The following PTAR1 variants were observed in gnomAD, a reference collection of about 807,000 sequenced individuals.
PTAR1 encodes protein prenyltransferase alpha subunit repeat-containing protein 1.
In PTAR1, 17 loss-of-function variants were observed where a neutral mutation model predicts 45.5. The observed-to-expected ratio is 0.37, with a 90% CI of 0.26 to 0.56. The LOEUF is 0.56. Ranked by LOEUF, PTAR1 falls within the 20% of genes least tolerant of loss-of-function variation. The pLI is 0.77. For missense variants in PTAR1, 391 were observed against 476.3 expected (o/e 0.82, Z 1.67); for synonymous variants, 169 against 171.3 (o/e 0.99, Z 0.11).
In PTAR1 at chr9:69,715,053, T is replaced by C. The variant is rs1824674897; in HGVS notation, c.*3289A>G. On this transcript the variant is annotated 3_prime_UTR_variant, in exon 8 of 8. Coordinates refer to ENST00000340434, the MANE Select transcript of PTAR1 (RefSeq NM_001099666.2). ...TGTATGCAGGATCTGTCCTCTAGTA[T>C]CACAAATGAACAGAAAGTGGTGTTC... 1 of 152,042 alleles carries C rather than the reference T, an allele frequency of 6.6e-6. No homozygotes were observed. The highest frequency in any genetic ancestry group is 1.5e-5 in the Non-Finnish European group (1 of 67,970). 9.4% of individuals were successfully genotyped at this position (152,042 alleles called of 1,614,324 possible).
intron 2 of PTAR1, 65 bp from the exon 3 acceptor site, chr9:69,741,923 C>A (rs2134138666): frequency 3.1e-6 from 3 of 976,842 alleles, no homozygotes; most frequent in Non-Finnish European, 4.8e-6. Context: ...GCTTCTCATT[C>A]TTTTAAGGTT....
intron 1 of PTAR1, among the ~76,000 whole-genome samples, chr9:69,753,312 A>C (rs1187926222): frequency 6.6e-6 from 1 of 152,176 alleles, no homozygotes; most frequent in East Asian, 1.9e-4. Context: ...TACTTTATAA[A>C]ATAAGAATGG....
In PTAR1 at chr9:69,718,021, G is replaced by T. The variant is rs112575324; in HGVS notation, c.*321C>A. ...TGCCTATGCAGCAATTGGACTGAGG[G>T]GGGTAGAGGTGTGTGTGTGTGAACC... On this transcript the variant is annotated 3_prime_UTR_variant, in exon 8 of 8. Coordinates refer to ENST00000340434, the MANE Select transcript of PTAR1 (RefSeq NM_001099666.2). 4 of 211,698 alleles carry T rather than the reference G, an allele frequency of 1.9e-5. No homozygotes were observed. The highest frequency in any genetic ancestry group is 4.6e-5 in the African/African-American group (2 of 43,732). 13.1% of individuals were successfully genotyped at this position (211,698 alleles called of 1,614,324 possible).
At position 69,717,003 on chromosome 9, in the gene PTAR1, C is replaced by T. The variant is rs1038297151; in HGVS notation, c.*1339G>A. 1 of 152,126 alleles carries T rather than the reference C, an allele frequency of 6.6e-6. No individual in the cohort carries two copies. The highest frequency in any genetic ancestry group is 2.4e-5 in the African/African-American group (1 of 41,438). 9.4% of individuals were successfully genotyped at this position (152,126 alleles called of 1,614,324 possible). On this transcript the variant is annotated 3_prime_UTR_variant, in exon 8 of 8. Transcript: ENST00000340434. ...AAAAGGGCAAATATAAGAAAGCAGACATTACATGGCCCATTCCCCACCCTC... is the reference window on the plus strand; with the variant it reads ...AAAAGGGCAAATATAAGAAAGCAGATATTACATGGCCCATTCCCCACCCTC...
Position 69,759,801 on chromosome 9 carries a change from G to A in PTAR1, c.86+52C>T. The A allele has an allele frequency of 1.0e-5, 13 of 1,294,592 alleles. No individual in the cohort carries two copies. In the South Asian group the frequency reaches 1.4e-4, roughly 14 times the overall value. 80.2% of individuals were successfully genotyped at this position (1,294,592 alleles called of 1,614,324 possible). A position where few individuals can be genotyped will look rare whatever the true frequency, so the allele number is the denominator to read the frequency against. The stretch of plus-strand genomic sequence containing the variant: ...CGAGGTCGGGTGGACGCTTGGCCCC[G>A]CCCCCGCCCGCTCCCGACGACCCTC... On this transcript the variant is annotated intron_variant, in intron 1 of 7. Transcript: ENST00000340434.
At chr9:69,740,544 TC>T (rs1260474369) in intron 3 of PTAR1, among the ~76,000 whole-genome samples, 1 of 152,002 alleles carries the variant, frequency 6.6e-6, no homozygotes, top group Non-Finnish European at 1.5e-5. Flanking sequence ...CATTCCTACT[TC>T]CCTATTACTC....
Position 69,734,133 on chromosome 9 carries a change from T to C in PTAR1, c.428+17A>G, listed in dbSNP as rs780913930. The C allele has an allele frequency of 6.7e-5, 91 of 1,359,272 alleles. No homozygotes were observed. The highest frequency in any genetic ancestry group is 2.3e-5 in the East Asian group (1 of 43,692). The allele number at this position is 1,359,272 out of a possible 1,614,324, so 84.2% of individuals were successfully genotyped here. A position where few individuals can be genotyped will look rare whatever the true frequency, so the allele number is the denominator to read the frequency against. On this transcript the variant is annotated intron_variant, in intron 4 of 7. Coordinates refer to ENST00000340434, the MANE Select transcript of PTAR1 (RefSeq NM_001099666.2). ...CTGAATCCTAAGTAAGAGTACTATG[T>C]TGTAAATTAACCACACCTGTGAATC...
intron 5 of PTAR1, among the ~76,000 whole-genome samples, chr9:69,729,253 G>T (rs1402070053): frequency 2.6e-5 from 4 of 152,164 alleles, no homozygotes; most frequent in Non-Finnish European, 4.4e-5. Flanking sequence ...CTGGGAAGCG[G>T]AGGTTGCAGT....
chr9:69,742,742 A>C (rs944285983), intron 2 of PTAR1, among the ~76,000 whole-genome samples: 5 of 152,228 alleles, frequency 3.3e-5, no homozygotes, highest in African/African-American at 1.2e-4. Flanking sequence ...ATATATTTTT[A>C]AAAATGAATG....
chr9:69,738,666 C>T (rs1016621280), intron 3 of PTAR1, among the ~76,000 whole-genome samples: 1 of 152,088 alleles, frequency 6.6e-6, no homozygotes, highest in Non-Finnish European at 1.5e-5. Context: ...TAAGATGCTC[C>T]AAGCTCATCT....
chr9:69,720,320 A>G (rs1440386623), intron 6 of PTAR1, among the ~76,000 whole-genome samples: 1 of 152,228 alleles, frequency 6.6e-6, no homozygotes, highest in Non-Finnish European at 1.5e-5. Context: ...ATAGAAAAGC[A>G]GATCAGCCAC....
intron 1 of PTAR1, among the ~76,000 whole-genome samples, chr9:69,751,890 G>T (rs1224247542): frequency 6.6e-6 from 1 of 151,966 alleles, no homozygotes; most frequent in African/African-American, 2.4e-5. Flanking sequence ...TAAAGGCAGA[G>T]ATTTAATAAA....
rs1564153832 is a variant in PTAR1, at chr9:69,759,951, C to A, written c.-13G>T. The A allele has an allele frequency of 6.7e-7, 1 of 1,487,672 alleles. No homozygotes were observed. The highest frequency in any genetic ancestry group is 2.4e-5 in the Admixed American group (1 of 42,344). 92.2% of individuals were successfully genotyped at this position (1,487,672 alleles called of 1,614,324 possible). On this transcript the variant is annotated 5_prime_UTR_variant, in exon 1 of 8. Transcript: ENST00000340434. ...TGGTCTCGGCCATGTTGGCGGCGGC[C>A]GCGACAGTTCGGGCGCGCCTCCGCG...
At chr9:69,727,536 C>G (rs1280247220) in intron 5 of PTAR1, among the ~76,000 whole-genome samples, 1 of 150,576 alleles carries the variant, frequency 6.6e-6, no homozygotes, top group East Asian at 1.9e-4. Flanking sequence ...ACCTAACTTT[C>G]TATTTTCTAA....
Position 69,714,316 on chromosome 9 carries a change from C to T in PTAR1, c.*4026G>A, listed in dbSNP as rs1241901140. 1 of 98,392 alleles carries T rather than the reference C, an allele frequency of 1.0e-5. No homozygotes were observed. The highest frequency in any genetic ancestry group is 2.1e-5 in the Non-Finnish European group (1 of 47,736). The allele number at this position is 98,392 out of a possible 1,614,324, so 6.1% of individuals were successfully genotyped here. On this transcript the variant is annotated 3_prime_UTR_variant, in exon 8 of 8. Transcript: ENST00000340434. Reference sequence around the variant, plus strand: ...TTTCCAGTAGCAAAATAATAGTTAGCTTAAAACAGCTTTTTAGAAAAAAAA... The same window carrying T: ...TTTCCAGTAGCAAAATAATAGTTAGTTTAAAACAGCTTTTTAGAAAAAAAA...
In PTAR1 at chr9:69,741,757, C is replaced by A. The variant is rs201676111; in HGVS notation, c.323+35G>T. On this transcript the variant is annotated intron_variant, in intron 3 of 7. Transcript: ENST00000340434. ...GCTTACATGTCTTCAGAAATTTGGA[C>A]AAACTTTATCATATCACTAATGAAA... 1.3e-5 allele frequency: 19 copies of A among 1,466,762 alleles called. No homozygotes were observed. In the Admixed American group the frequency reaches 1.3e-4, roughly 10 times the overall value. The allele number at this position is 1,466,762 out of a possible 1,614,324, so 90.9% of individuals were successfully genotyped here.
Position 69,723,354 on chromosome 9 carries a change from G to T in PTAR1, c.919C>A (p.Pro307Thr). ...EFSTDLIDSY[P>T]GHETLWCHRR... ...TGACACCAAAGGGTTTCATGTCCTGGGTAGGAATCAATAAGATCAGTGCTG... is the reference window on the plus strand; with the variant it reads ...TGACACCAAAGGGTTTCATGTCCTGTGTAGGAATCAATAAGATCAGTGCTG... The change falls in exon 6 of 8, where the codon CCA (proline) becomes ACA (threonine). Residue 307 changes from proline to threonine, a missense_variant. Coordinates refer to ENST00000340434, the MANE Select transcript of PTAR1 (RefSeq NM_001099666.2). The T allele has an allele frequency of 6.2e-7, 1 of 1,613,728 alleles. No individual in the cohort carries two copies. The highest frequency in any genetic ancestry group is 8.5e-7 in the Non-Finnish European group (1 of 1,179,726).
At chr9:69,759,533 AG>A (rs1241349722) in intron 1 of PTAR1, among the ~76,000 whole-genome samples, 1 of 152,206 alleles carries the variant, frequency 6.6e-6, no homozygotes, top group Non-Finnish European at 1.5e-5. Flanking sequence ...CCTTAAACAC[AG>A]GAAGGATGTC....
intron 3 of PTAR1, among the ~76,000 whole-genome samples, chr9:69,739,905 A>G (rs748082421): frequency 3.9e-5 from 6 of 152,196 alleles, no homozygotes; most frequent in Non-Finnish European, 8.8e-5. Context: ...TAACTGTCAT[A>G]AACATCCCTC....
Sources: allele counts gnomAD v4.1 joint callset (sites outside exome capture counted in the v4.1 genomes callset), GRCh38; gene constraint gnomAD v4.1.1; transcripts MANE v1.5; gene names NCBI Gene and HGNC (gene_info 2026-07-23, HGNC 2026-07-21).